CCDC15: variants seen among roughly 807,000 people sequenced by gnomAD.
CCDC15 encodes the protein coiled-coil domain containing 15.
In CCDC15, 105 loss-of-function variants were observed where a neutral mutation model predicts 114.5. That is an observed-to-expected ratio of 0.92 (90% CI 0.78 to 1.08). The LOEUF is 1.08. Among genes scored for constraint, CCDC15 ranks in the 50% least tolerant of loss-of-function variants. The probability of loss-of-function intolerance (pLI) is 0.00; values close to 1 mark genes in which losing one functional copy is unlikely to be tolerated. For missense variants in CCDC15, 1,105 were observed against 1,093.6 expected (o/e 1.01, Z -0.15); for synonymous variants, 334 against 377.8 (o/e 0.88, Z 1.34).
intron 13 of CCDC15, among the ~76,000 whole-genome samples, chr11:125,018,466 A>G (rs1402177445): frequency 6.6e-6 from 1 of 152,076 alleles, no homozygotes; most frequent in Non-Finnish European, 1.5e-5. Flanking sequence ...TGGGTAAAGC[A>G]TGACTGGAAA....
chr11:124,963,710 C>A (rs2135436683), intron 4 of CCDC15, among the ~76,000 whole-genome samples: 1 of 152,296 alleles, frequency 6.6e-6, no homozygotes, highest in South Asian at 2.1e-4. Flanking sequence ...GTCATGAAGT[C>A]CTTGCCCATG....
intron 13 of CCDC15, among the ~76,000 whole-genome samples, chr11:125,036,630 A>G (rs1827822435): frequency 6.6e-6 from 1 of 152,130 alleles, no homozygotes; most frequent in Non-Finnish European, 1.5e-5. Context: ...CTTTCTAGGT[A>G]TCATAGGCAT....
chr11:124,985,113 C>G (rs1948134879), intron 6 of CCDC15, among the ~76,000 whole-genome samples: 1 of 152,160 alleles, frequency 6.6e-6, no homozygotes, highest in Admixed American at 6.5e-5. Context: ...GATATATCGT[C>G]TTTTGTGACT....
chr11:124,956,708 C>G (rs1418742135), intron 2 of CCDC15, among the ~76,000 whole-genome samples: 3 of 152,176 alleles, frequency 2.0e-5, no homozygotes, highest in African/African-American at 7.2e-5. Flanking sequence ...AAACATATCT[C>G]CTTTTCCTGA....
chr11:125,021,944 T>C (rs887903172), intron 13 of CCDC15, among the ~76,000 whole-genome samples: 3 of 151,896 alleles, frequency 2.0e-5, no homozygotes, highest in African/African-American at 4.8e-5. Flanking sequence ...AAATCTTTTA[T>C]CATTTACTTT....
chr11:125,022,802 T>G (rs1165398403), intron 13 of CCDC15, among the ~76,000 whole-genome samples: 2 of 151,904 alleles, frequency 1.3e-5, no homozygotes, highest in African/African-American at 4.8e-5. Flanking sequence ...CAAAGTAATT[T>G]TTAGCAATTG....
intron 13 of CCDC15, among the ~76,000 whole-genome samples, chr11:125,033,078 A>C (rs538527717): frequency 6.6e-6 from 1 of 152,332 alleles, no homozygotes; most frequent in East Asian, 1.9e-4. Context: ...AGGGGAGCAG[A>C]CTTCCCCTTC....
chr11:125,004,832 G>A (rs1948533534), intron 12 of CCDC15, among the ~76,000 whole-genome samples: 1 of 152,012 alleles, frequency 6.6e-6, no homozygotes, highest in South Asian at 2.1e-4. Flanking sequence ...TACTACTTGG[G>A]AACACAGAGT....
At chr11:125,003,821 G>A in intron 11 of CCDC15, 46 bp from the exon 12 acceptor site, 1 of 1,143,200 alleles carries the variant, frequency 8.7e-7, no homozygotes, top group East Asian at 2.7e-5. Flanking sequence ...TCATGGGGTA[G>A]TTTTTGGTAA....
At chr11:125,008,441 A>G (rs1948566676) in intron 13 of CCDC15, among the ~76,000 whole-genome samples, 1 of 152,180 alleles carries the variant, frequency 6.6e-6, no homozygotes, top group South Asian at 2.1e-4. Flanking sequence ...TTGTTATTAT[A>G]TGATCATGTC....
intron 13 of CCDC15, among the ~76,000 whole-genome samples, chr11:125,032,561 G>A (rs1362499610): frequency 2.6e-5 from 4 of 152,220 alleles, no homozygotes; most frequent in South Asian, 4.1e-4. Context: ...TGCATCTTTC[G>A]AGTCCTTATG....
At chr11:125,008,714 TAC>T (rs1948568243) in intron 13 of CCDC15, among the ~76,000 whole-genome samples, 1 of 151,930 alleles carries the variant, frequency 6.6e-6, no homozygotes, top group Admixed American at 6.6e-5. Flanking sequence ...TTTTTTTTGA[TAC>T]AGAGTCTCGC....
chr11:124,982,146 A>G (rs559022226), intron 6 of CCDC15, among the ~76,000 whole-genome samples: 1 of 151,916 alleles, frequency 6.6e-6, no homozygotes, highest in East Asian at 1.9e-4. Context: ...TGCTTGGTAG[A>G]TTTTTCTCCA....
At chr11:124,959,790 T>A in intron 3 of CCDC15, 25 bp from the exon 4 acceptor site, 1 of 1,537,174 alleles carries the variant, frequency 6.5e-7, no homozygotes, top group Non-Finnish European at 8.8e-7. Context: ...AGAATGTTAC[T>A]ATCCCCCTTT....
chr11:124,995,683 A>G lies in CCDC15; in HGVS notation c.2214+2440A>G, dbSNP rs1158199362. On this transcript the variant is annotated intron_variant, in intron 11 of 15. Transcript: ENST00000344762. ...TAATTATGCAGCAGCATAATTAGTGATAGAGGACGCATGGGGCATTCACAA... is the reference window on the plus strand; with the variant it reads ...TAATTATGCAGCAGCATAATTAGTGGTAGAGGACGCATGGGGCATTCACAA... 9.2e-5 allele frequency among the ~76,000 whole-genome samples: 14 copies of G among 152,316 alleles called. No individual in the cohort carries two copies. In the East Asian group the frequency reaches 2.5e-3, roughly 27 times the overall value.
chr11:125,013,559 A>C (rs536094889), intron 13 of CCDC15, among the ~76,000 whole-genome samples: 2 of 152,284 alleles, frequency 1.3e-5, no homozygotes, highest in South Asian at 2.1e-4. Flanking sequence ...AATATTTAAG[A>C]AGTAGAATCC....
At chr11:124,997,867 A>G (rs7128290) in intron 11 of CCDC15, among the ~76,000 whole-genome samples, 30,883 of 152,038 alleles carry the variant, frequency 0.2, 3,738 homozygotes, top group African/African-American at 0.34. Context: ...ACTTGAACTC[A>G]GGAGGCAGAG....
intron 4 of CCDC15, among the ~76,000 whole-genome samples, chr11:124,971,194 T>G (rs1947874336): frequency 6.6e-6 from 1 of 152,062 alleles, no homozygotes; most frequent in Admixed American, 6.6e-5. Context: ...TGGCAATGGT[T>G]TGTTAGTTAG....
At chr11:125,038,742 T>G in intron 14 of CCDC15, 138 bp downstream of exon 14, 1 of 1,157,182 alleles carries the variant, frequency 8.6e-7, no homozygotes, top group East Asian at 2.6e-5. Context: ...CTTCACCAAA[T>G]TTTTTGATTG....
Sources: gnomAD v4.1 joint callset for allele counts (sites outside exome capture counted in the v4.1 genomes callset) on GRCh38, gnomAD v4.1.1 for gene constraint, MANE v1.5 for transcripts, NCBI Gene and HGNC (gene_info 2026-07-23, HGNC 2026-07-21) for gene names.